The following ANKS1B variants were observed in gnomAD, a reference collection of about 807,000 sequenced individuals.
ANKS1B encodes the protein ankyrin repeat and sterile alpha motif domain containing 1B.
Under a neutral mutation model 148.3 loss-of-function variants are expected in ANKS1B, and 36 were observed. That is an observed-to-expected ratio of 0.24 (90% CI 0.19 to 0.32). The LOEUF (loss-of-function observed/expected upper bound fraction) is 0.32, where lower values mean the gene tolerates loss of function less well. Among genes scored for constraint, ANKS1B ranks in the 10% least tolerant of loss-of-function variants. ANKS1B has a pLI of 1.00. For synonymous variants in ANKS1B, 542 were observed against 560.8 expected (o/e 0.97, Z 0.47); for missense variants, 1,157 against 1,542.6 (o/e 0.75, Z 4.19).
chr12:99,245,774 G>T (rs2090133230), intron 13 of ANKS1B, among the ~76,000 whole-genome samples: 1 of 152,172 alleles, frequency 6.6e-6, no homozygotes, highest in African/African-American at 2.4e-5. Flanking sequence ...CCTGATAGCT[G>T]CAAAAGGGAA....
intron 22 of ANKS1B, among the ~76,000 whole-genome samples, chr12:98,785,739 C>T (rs984218804): frequency 6.6e-5 from 10 of 152,146 alleles, no homozygotes; most frequent in Non-Finnish European, 8.8e-5. Flanking sequence ...TTACTGAGCA[C>T]GTGCTCTCAG....
At chr12:99,394,528 C>T (rs974806961) in intron 12 of ANKS1B, among the ~76,000 whole-genome samples, 6 of 151,974 alleles carry the variant, frequency 3.9e-5, no homozygotes, top group Non-Finnish European at 7.4e-5. Context: ...GCAGTGACCC[C>T]CCCACCCCCA....
chr12:99,356,936 C>T (rs1592991779), intron 12 of ANKS1B, among the ~76,000 whole-genome samples: 1 of 146,066 alleles, frequency 6.8e-6, no homozygotes, highest in Non-Finnish European at 1.5e-5. Flanking sequence ...TTCTTCTAGA[C>T]TTTTTTTTTT....
chr12:99,707,363 C>G (rs145770800), intron 8 of ANKS1B, among the ~76,000 whole-genome samples: 1,843 of 152,110 alleles, frequency 0.012, 45 homozygotes, highest in African/African-American at 0.042. Context: ...AGAATTTAAA[C>G]AAATTACTAT....
chr12:99,344,390 G>A (rs1414399460), intron 12 of ANKS1B, among the ~76,000 whole-genome samples: 2 of 151,786 alleles, frequency 1.3e-5, no homozygotes, highest in Non-Finnish European at 2.9e-5. Flanking sequence ...TATCATAATT[G>A]TTTTCTGTCT....
At chr12:99,250,522 A>G (rs2153973280) in intron 12 of ANKS1B, among the ~76,000 whole-genome samples, 1 of 152,360 alleles carries the variant, frequency 6.6e-6, no homozygotes, top group East Asian at 1.9e-4. Flanking sequence ...ACTTCCACCT[A>G]TGTGAGTGAG....
chr12:99,952,763 A>G (rs1304587440), intron 1 of ANKS1B, among the ~76,000 whole-genome samples: 1 of 152,236 alleles, frequency 6.6e-6, no homozygotes, highest in Non-Finnish European at 1.5e-5. Flanking sequence ...TAGGGACTTC[A>G]GAAAATTAAA....
At chr12:99,853,169 G>T (rs1477803782) in intron 1 of ANKS1B, among the ~76,000 whole-genome samples, 1 of 152,042 alleles carries the variant, frequency 6.6e-6, no homozygotes, top group Non-Finnish European at 1.5e-5. Flanking sequence ...TCTTAGGAGC[G>T]CTATGGCCCC....
intron 12 of ANKS1B, among the ~76,000 whole-genome samples, chr12:99,341,748 C>A (rs917058388): frequency 1.3e-5 from 2 of 152,024 alleles, no homozygotes; most frequent in African/African-American, 4.8e-5. Context: ...GAGGTAGGCA[C>A]TGTAATTTCC....
At chr12:98,837,675 T>C (rs777231239) in intron 17 of ANKS1B, among the ~76,000 whole-genome samples, 1 of 152,202 alleles carries the variant, frequency 6.6e-6, no homozygotes, top group East Asian at 1.9e-4. Flanking sequence ...TATCATGATA[T>C]ACCCTTACAT....
intron 8 of ANKS1B, among the ~76,000 whole-genome samples, chr12:99,665,679 G>C (rs2098502985): frequency 6.6e-6 from 1 of 152,036 alleles, no homozygotes; most frequent in African/African-American, 2.4e-5. Context: ...GTAGAGACGG[G>C]GTTTCACCGT....
intron 16 of ANKS1B, among the ~76,000 whole-genome samples, chr12:99,059,806 T>TATATATATATA (rs10526013): frequency 1.8e-4 from 26 of 144,590 alleles, no homozygotes; most frequent in South Asian, 4.4e-4. Flanking sequence ...TATATATATA[T>TATATATATATA]GATAGGACGT....
intron 17 of ANKS1B, among the ~76,000 whole-genome samples, chr12:98,922,493 T>C (rs990899416): frequency 7.2e-5 from 11 of 152,154 alleles, no homozygotes; most frequent in African/African-American, 2.7e-4. Context: ...TAAGGTCTTA[T>C]TATTATTTTA....
intron 14 of ANKS1B, among the ~76,000 whole-genome samples, chr12:99,188,491 C>A (rs1344532082): frequency 6.6e-6 from 1 of 152,174 alleles, no homozygotes; most frequent in East Asian, 1.9e-4. Context: ...TCATAACAAA[C>A]AGTCTCTCAG....
At chr12:99,643,788 G>C (rs1266286886) in intron 9 of ANKS1B, among the ~76,000 whole-genome samples, 1 of 152,160 alleles carries the variant, frequency 6.6e-6, no homozygotes, top group Non-Finnish European at 1.5e-5. Flanking sequence ...TCCCATCTCA[G>C]CGTAATTCAT....
rs191214277 is a variant in ANKS1B at position 99,218,195 on chromosome 12, T to C, written c.2419+26147A>G. ...CCTTCTAACTTCTGCTTTTTGAATT[T>C]AAAAAAAGTCATTTTTCTCACCTTT... On this transcript the variant is annotated intron_variant, in intron 14 of 26. Coordinates refer to ENST00000683438, the MANE Select transcript of ANKS1B (RefSeq NM_001352186.2). Among the ~76,000 whole-genome samples the C allele has an allele frequency of 2.0e-5, 3 of 152,268 alleles. No individual in the cohort carries two copies. In the East Asian group the frequency reaches 5.8e-4, roughly 29 times the overall value.
intron 17 of ANKS1B, among the ~76,000 whole-genome samples, chr12:99,019,868 T>G (rs868170749): frequency 3.5e-4 from 54 of 152,204 alleles, no homozygotes; most frequent in African/African-American, 1.1e-3. Context: ...AGTGTTGAAC[T>G]GTAGAAGGCC....
At chr12:99,192,363 G>A (rs2080849649) in intron 14 of ANKS1B, among the ~76,000 whole-genome samples, 1 of 152,056 alleles carries the variant, frequency 6.6e-6, no homozygotes, top group Non-Finnish European at 1.5e-5. Context: ...GAGACATATG[G>A]ATTATCTAGG....
At chr12:99,507,678 G>A (rs906221480) in intron 9 of ANKS1B, among the ~76,000 whole-genome samples, 1 of 151,886 alleles carries the variant, frequency 6.6e-6, no homozygotes, top group African/African-American at 2.4e-5. Flanking sequence ...CCTTAGGGAA[G>A]GTGAGGCCCC....
Sources: gnomAD v4.1 joint callset for allele counts (sites outside exome capture counted in the v4.1 genomes callset) on GRCh38, gnomAD v4.1.1 for gene constraint, MANE v1.5 for transcripts, NCBI Gene and HGNC (gene_info 2026-07-23, HGNC 2026-07-21) for gene names.